DAB1: variants seen among roughly 807,000 people sequenced by gnomAD.
DAB1 encodes the protein DAB adaptor protein 1.
A neutral mutation model predicts 64.6 loss-of-function variants in DAB1; 15 were observed. The observed-to-expected ratio is 0.23, with a 90% CI of 0.16 to 0.36. DAB1 has a LOEUF of 0.36. Ranked by LOEUF, DAB1 falls within the 10% of genes least tolerant of loss-of-function variation. The probability of loss-of-function intolerance (pLI) is 1.00; values close to 1 mark genes in which losing one functional copy is unlikely to be tolerated. For missense variants in DAB1, 596 were observed against 706.7 expected (o/e 0.84, Z 1.78); for synonymous variants, 235 against 251.9 (o/e 0.93, Z 0.64).
At chr1:57,353,871 A>G (rs994255963) in intron 1 of DAB1, among the ~76,000 whole-genome samples, 2 of 152,186 alleles carry the variant, frequency 1.3e-5, no homozygotes, top group Non-Finnish European at 2.9e-5. Flanking sequence ...CATGAGGCGA[A>G]GTATAAAAAT....
In DAB1 at chr1:57,993,159, AT is replaced by A. The variant is rs1185622737; in HGVS notation, n.388-108998del. ...CCCTGAGCACAACACATTTAGGGTGATTTCCAGCTATTCCTCCATTTCTCCT... is the reference window on the plus strand; with the variant it reads ...CCCTGAGCACAACACATTTAGGGTGATTCCAGCTATTCCTCCATTTCTCCT... On this transcript the variant is annotated intron_variant and non_coding_transcript_variant, in intron 5 of 20. Transcript: ENST00000485760. Among the ~76,000 whole-genome samples, 3 of 152,160 alleles carry A rather than the reference AT, an allele frequency of 2.0e-5. No individual in the cohort carries two copies. In the East Asian group the frequency reaches 5.8e-4, roughly 29 times the overall value.
At chr1:57,134,296 C>G (rs1261642868) in intron 4 of DAB1, among the ~76,000 whole-genome samples, 1 of 152,058 alleles carries the variant, frequency 6.6e-6, no homozygotes, top group African/African-American at 2.4e-5. Flanking sequence ...CATATAAAGA[C>G]TGTTAAGGCT....
intron 5 of DAB1, among the ~76,000 whole-genome samples, chr1:57,960,546 GAATAAGGTAGTATAAATACATACGTT>G (rs1481221577): frequency 1.3e-5 from 2 of 150,992 alleles, no homozygotes; most frequent in African/African-American, 4.9e-5. Context: ...AAAAATAGTT[GAATAAGGTAGTATAAATACATACGTT>G]AATACTATTT....
At chr1:57,944,774 T>C (rs1645159959) in intron 5 of DAB1, among the ~76,000 whole-genome samples, 1 of 152,182 alleles carries the variant, frequency 6.6e-6, no homozygotes, top group African/African-American at 2.4e-5. Flanking sequence ...ATCTCATCTA[T>C]TTCTCTGTAC....
chr1:58,309,314 G>C (rs1488413745), intron 4 of DAB1, among the ~76,000 whole-genome samples: 1 of 152,090 alleles, frequency 6.6e-6, no homozygotes, highest in Non-Finnish European at 1.5e-5. Flanking sequence ...CAAATGTTTG[G>C]TATTTAGCAT....
chr1:58,438,800 A>G (rs1644973594), intron 3 of DAB1, among the ~76,000 whole-genome samples: 1 of 151,868 alleles, frequency 6.6e-6, no homozygotes, highest in Non-Finnish European at 1.5e-5. Flanking sequence ...TGAGTCTGAA[A>G]CTCCACCTAA....
At chr1:57,565,375 A>G (rs530424834) in intron 7 of DAB1, among the ~76,000 whole-genome samples, 265 of 152,330 alleles carry the variant, frequency 1.7e-3, no homozygotes, top group South Asian at 1.5e-3. Flanking sequence ...CTAACGAGCA[A>G]AATAACCAGC....
intron 1 of DAB1, among the ~76,000 whole-genome samples, chr1:57,379,773 T>G (rs535796571): frequency 2.0e-4 from 31 of 152,270 alleles, no homozygotes; most frequent in African/African-American, 7.2e-4. Flanking sequence ...TAGACTATGA[T>G]TTACCTCTCT....
chr1:57,840,381 A>G (rs1273618251), intron 1 of DAB1, among the ~76,000 whole-genome samples: 1 of 152,184 alleles, frequency 6.6e-6, no homozygotes, highest in Non-Finnish European at 1.5e-5. Context: ...AGACTGTGAG[A>G]TCAGCATATC....
At chr1:57,720,304 A>G (rs1647135093) in intron 6 of DAB1, among the ~76,000 whole-genome samples, 1 of 152,214 alleles carries the variant, frequency 6.6e-6, no homozygotes, top group African/African-American at 2.4e-5. Context: ...TTCATAGCAC[A>G]GATGAAGAAA....
intron 7 of DAB1, chr1:57,606,113 G>T: frequency 2.2e-6 from 1 of 451,704 alleles, no homozygotes; most frequent in Admixed American, 2.8e-5. Flanking sequence ...ACCATCTCCT[G>T]GGATTTTACA....
At chr1:57,824,469 T>C (rs1257427354), downstream of DAB1, among the ~76,000 whole-genome samples, 3 of 152,044 alleles carry the variant, frequency 2.0e-5, no homozygotes, top group African/African-American at 7.2e-5. Context: ...CCTATTTCTC[T>C]AAATAGGTAA....
Position 57,794,794 on chromosome 1 carries a change from C to T in DAB1, n.551+89205G>A, listed in dbSNP as rs182659907. ...TGCAGGTGTTCAAAAATATTTGTTG[C>T]TTTAATGAATGAAATTAGTTTTCCT... On this transcript the variant is annotated intron_variant and non_coding_transcript_variant, in intron 6 of 20. Coordinates refer to the DAB1 transcript ENST00000485760. Among the ~76,000 whole-genome samples, 375 of 152,330 alleles carry T rather than the reference C, an allele frequency of 2.5e-3. 1 individual carries two copies. The highest frequency in any genetic ancestry group is 6.4e-3 in the Admixed American group (98 of 15,308).
At chr1:57,413,180 C>T (rs1435544421) in intron 1 of DAB1, among the ~76,000 whole-genome samples, 1 of 152,120 alleles carries the variant, frequency 6.6e-6, no homozygotes, top group African/African-American at 2.4e-5. Flanking sequence ...AGACCTACTG[C>T]TCAGAAAAAA....
At chr1:57,983,294 A>T (rs1266538792) in intron 5 of DAB1, among the ~76,000 whole-genome samples, 1 of 152,206 alleles carries the variant, frequency 6.6e-6, no homozygotes, top group Non-Finnish European at 1.5e-5. Context: ...TCAAGCCCAC[A>T]TATAAAGCTT....
At chr1:57,890,132 G>A (rs1377262338) in intron 5 of DAB1, among the ~76,000 whole-genome samples, 1 of 152,110 alleles carries the variant, frequency 6.6e-6, no homozygotes, top group Non-Finnish European at 1.5e-5. Flanking sequence ...GAGAACTCTG[G>A]AGAATCTTAG....
At chr1:58,536,730 T>C (rs1296373316) in intron 1 of DAB1, 1 of 872,406 alleles carries the variant, frequency 1.1e-6, no homozygotes, top group East Asian at 2.4e-5. Flanking sequence ...CTGCCACCAT[T>C]TCCTTATGCC....
At chr1:57,356,110 A>G (rs183282987) in intron 1 of DAB1, among the ~76,000 whole-genome samples, 1 of 152,222 alleles carries the variant, frequency 6.6e-6, no homozygotes, top group East Asian at 1.9e-4. Context: ...GTTCAGTGCT[A>G]TATTCCTTGC....
At chr1:57,235,197 C>T (rs567964722) in intron 2 of DAB1, among the ~76,000 whole-genome samples, 74 of 152,102 alleles carry the variant, frequency 4.9e-4, no homozygotes, top group Non-Finnish European at 9.1e-4. Flanking sequence ...GGTTGGACTC[C>T]CACTTTGCCA....
Sources: gnomAD v4.1 joint callset for allele counts (sites outside exome capture counted in the v4.1 genomes callset) on GRCh38, gnomAD v4.1.1 for gene constraint, MANE v1.5 for transcripts, NCBI Gene and HGNC (gene_info 2026-07-23, HGNC 2026-07-21) for gene names.